Variants in PKP2 observed in about 807,000 individuals in gnomAD.
The protein encoded by PKP2 is plakophilin 2, also known as plakophilin-2.
Under a neutral mutation model 83.4 loss-of-function variants are expected in PKP2, and 73 were observed. That is an observed-to-expected ratio of 0.88 (90% confidence interval 0.72 to 1.06). PKP2 has a LOEUF of 1.06. PKP2 is among the 50% of genes least tolerant of loss of function. The pLI, the probability that PKP2 is intolerant of heterozygous loss-of-function variation, is 0.00. For missense variants in PKP2, 966 were observed against 1,065.4 expected (o/e 0.91, Z 1.30); for synonymous variants, 409 against 430.4 (o/e 0.95, Z 0.62).
chr12:32,882,322 C>G (rs939861802), intron 1 of PKP2, among the ~76,000 whole-genome samples: 1 of 152,078 alleles, frequency 6.6e-6, no homozygotes, highest in African/African-American at 2.4e-5. Flanking sequence ...TATAATAAAA[C>G]GGCAGGTGAT....
rs558669538 is a variant in PKP2 at position 32,809,089 on chromosome 12, C to A, written c.2014-6533G>T. ...GGAGGACCCTTCCTCATCTGGACTG[C>A]CCAGACTCTCTAGAGTAGGCAAGCT... On this transcript the variant is annotated intron_variant, in intron 9 of 12. Transcript: ENST00000340811. Among the ~76,000 whole-genome samples, 3 of 152,318 alleles carry A rather than the reference C, an allele frequency of 2.0e-5. No individual in the cohort carries two copies. In the Middle Eastern group the frequency reaches 0.01, roughly 518 times the overall value.
chr12:32,816,166 T>C (rs980476058), intron 9 of PKP2, among the ~76,000 whole-genome samples: 1 of 152,180 alleles, frequency 6.6e-6, no homozygotes, highest in Non-Finnish European at 1.5e-5. Flanking sequence ...GTTTGTGATA[T>C]GAATAATCCC....
chr12:32,820,407 G>C (rs1372745465), intron 9 of PKP2: 1 of 152,092 alleles, frequency 6.6e-6, no homozygotes, highest in Non-Finnish European at 1.5e-5. Context: ...TATATAGGAA[G>C]GGTATAAAAT....
intron 4 of PKP2, among the ~76,000 whole-genome samples, chr12:32,863,822 C>T (rs1199814939): frequency 6.6e-6 from 1 of 152,184 alleles, no homozygotes. Flanking sequence ...CCAGTTCATT[C>T]TATGAGACTA....
At chr12:32,831,289 C>T (rs952190466) in intron 6 of PKP2, among the ~76,000 whole-genome samples, 11 of 152,166 alleles carry the variant, frequency 7.2e-5, no homozygotes, top group African/African-American at 2.6e-4. Flanking sequence ...TCATCAGTTG[C>T]TTTATCCTGA....
At chr12:32,864,502 A>G (rs1956829956) in intron 4 of PKP2, among the ~76,000 whole-genome samples, 2 of 152,058 alleles carry the variant, frequency 1.3e-5, no homozygotes, top group Non-Finnish European at 1.5e-5. Flanking sequence ...TACAGTAAAA[A>G]CTATAAAACT....
intron 1 of PKP2, among the ~76,000 whole-genome samples, chr12:32,883,344 G>A (rs1008633585): frequency 4.6e-5 from 7 of 152,260 alleles, no homozygotes; most frequent in African/African-American, 1.7e-4. Context: ...GATTAAAGAT[G>A]AATTAATAGC....
chr12:32,844,962 G>A (rs1295588432), intron 5 of PKP2, among the ~76,000 whole-genome samples: 1 of 152,128 alleles, frequency 6.6e-6, no homozygotes, highest in Non-Finnish European at 1.5e-5. Context: ...AATATTTACG[G>A]TTTGGGTTTT....
chr12:32,894,179 G>A (rs779691434), intron 1 of PKP2: 2 of 152,028 alleles, frequency 1.3e-5, no homozygotes, highest in Non-Finnish European at 2.9e-5. Context: ...CTCCCGCCTC[G>A]GCCTCCCAAA....
At chr12:32,826,858 G>A (rs1376286172) in intron 6 of PKP2, among the ~76,000 whole-genome samples, 3 of 152,080 alleles carry the variant, frequency 2.0e-5, no homozygotes, top group African/African-American at 7.2e-5. Context: ...ACTTTTCCTG[G>A]TGACAGCAAA....
At chr12:32,829,695 G>C (rs1380155894) in intron 6 of PKP2, among the ~76,000 whole-genome samples, 1 of 145,802 alleles carries the variant, frequency 6.9e-6, no homozygotes, top group East Asian at 2.1e-4. Flanking sequence ...GAGTCTCACT[G>C]TGTTGCCCAG....
intron 1 of PKP2, among the ~76,000 whole-genome samples, chr12:32,890,793 T>A (rs1400323297): frequency 6.6e-6 from 1 of 151,930 alleles, no homozygotes; most frequent in African/African-American, 2.4e-5. Context: ...ACCCTGTCTC[T>A]ACTAAAAATA....
rs886049321 is a variant in PKP2, at chr12:32,850,964, G to A, written c.1180C>T (p.Leu394Phe). 2 of 1,613,904 alleles carry A rather than the reference G, an allele frequency of 1.2e-6. No individual in the cohort carries two copies. The highest frequency in any genetic ancestry group is 2.2e-5 in the South Asian group (2 of 91,080). ...TGCAGAAGCTTGAGGATGCCACGAA[G>A]CTGGTTAACCTGGGGAAGAAGCAGA... ...KSEARKRVNQ[L>F]RGILKLLQLL... Residue 394 changes from leucine (L) to phenylalanine (F), a missense_variant, in exon 5 of 13, where the codon CTT (leucine) becomes TTT (phenylalanine). Leu to Phe is a conservative substitution (Grantham distance 22, BLOSUM62 0). Coordinates refer to ENST00000340811, the MANE Select transcript of PKP2 (RefSeq NM_001005242.3).
chr12:32,883,715 T>TA (rs1957005724), intron 1 of PKP2, among the ~76,000 whole-genome samples: 1 of 152,200 alleles, frequency 6.6e-6, no homozygotes, highest in East Asian at 1.9e-4. Context: ...CTGGAACCCC[T>TA]ATTCTACCGC....
At chr12:32,817,300 A>C (rs1956329115) in intron 9 of PKP2, among the ~76,000 whole-genome samples, 1 of 152,270 alleles carries the variant, frequency 6.6e-6, no homozygotes, top group Non-Finnish European at 1.5e-5. Context: ...TTAAGATTTA[A>C]ACGTTAAGAC....
chr12:32,869,697 T>C lies in PKP2; in HGVS notation c.1035-635A>G, dbSNP rs76693117. 4.3e-3 allele frequency among the ~76,000 whole-genome samples: 660 copies of C among 152,142 alleles called. 1 individual carries two copies. Among genetic ancestry groups the C allele is most frequent in the Non-Finnish European group, 8.1e-3 (551 of 68,004 alleles). ...AGGCACAATAAGACTTTTAAAAGAATCCAAAAGAAATCTGTTTACAGAAAT... is the reference window on the plus strand; with the variant it reads ...AGGCACAATAAGACTTTTAAAAGAACCCAAAAGAAATCTGTTTACAGAAAT... On this transcript the variant is annotated intron_variant, in intron 3 of 12. Coordinates refer to ENST00000340811, the MANE Select transcript of PKP2 (RefSeq NM_001005242.3).
At chr12:32,871,498 C>T (rs1379689675) in intron 3 of PKP2, among the ~76,000 whole-genome samples, 1 of 151,822 alleles carries the variant, frequency 6.6e-6, no homozygotes, top group Admixed American at 6.6e-5. Context: ...CGGAGTCTTG[C>T]TCTGTCACCC....
chr12:32,863,318 GA>G, intron 4 of PKP2: 2 of 259,484 alleles, frequency 7.7e-6, no homozygotes, highest in Admixed American at 4.1e-5. Context: ...GTAATCTGGG[GA>G]AAGGTAACTT....
intron 9 of PKP2, among the ~76,000 whole-genome samples, chr12:32,806,185 T>A (rs1281214737): frequency 1.3e-5 from 2 of 152,214 alleles, no homozygotes; most frequent in Non-Finnish European, 2.9e-5. Context: ...TTTTTTGTTG[T>A]ATCTCTGCCA....
Sources: gnomAD v4.1 joint callset for allele counts (sites outside exome capture counted in the v4.1 genomes callset) on GRCh38, gnomAD v4.1.1 for gene constraint, MANE v1.5 for transcripts, NCBI Gene and HGNC (gene_info 2026-07-23, HGNC 2026-07-21) for gene names.